Variants in ANAPC15 observed in about 807,000 individuals in gnomAD.
The protein encoded by ANAPC15 is anaphase-promoting complex subunit 15.
A neutral mutation model predicts 19.8 loss-of-function variants in ANAPC15; 13 were observed. That is an observed-to-expected ratio of 0.66 (90% confidence interval 0.43 to 1.04). The LOEUF is 1.04. ANAPC15 is among the 50% of genes least tolerant of loss of function. ANAPC15 has a pLI of 0.00. For missense variants in ANAPC15, 88 were observed against 150.3 expected (o/e 0.59, Z 2.17); for synonymous variants, 45 against 50.7 (o/e 0.89, Z 0.47).
chr11:72,110,004 C>T, intron 5 of ANAPC15, 76 bp from the exon 6 acceptor site: 1 of 1,613,802 alleles, frequency 6.2e-7, no homozygotes, highest in South Asian at 1.1e-5. Flanking sequence ...TGGCTGGATC[C>T]AGGGTTTCTG....
chr11:72,106,896 G>T (rs1370600315), downstream of ANAPC15: 1 of 147,006 alleles, frequency 6.8e-6, no homozygotes, highest in Non-Finnish European at 1.5e-5. Context: ...AGCTGTGATT[G>T]TGCCACTGCA....
downstream of ANAPC15, chr11:72,108,601 A>G: frequency 4.1e-6 from 6 of 1,448,696 alleles, no homozygotes; most frequent in Non-Finnish European, 5.5e-6. Flanking sequence ...CCCTATCCCC[A>G]CAGGTGGAGC....
downstream of ANAPC15, chr11:72,107,528 C>G (rs1476717430): frequency 4.3e-6 from 3 of 702,848 alleles, no homozygotes; most frequent in Non-Finnish European, 7.8e-6. Context: ...AGGAATGAGA[C>G]AGCTTGATGG....
chr11:72,109,994 TGGCTGGATCCA>T, intron 5 of ANAPC15, 66 bp from the exon 6 acceptor site: 1 of 1,613,228 alleles, frequency 6.2e-7, no homozygotes, highest in Non-Finnish European at 8.5e-7. Context: ...ATCCTGCCCC[TGGCTGGATCCA>T]GGGTTTCTGT....
At chr11:72,110,670 G>A (rs1946569222) in intron 3 of ANAPC15, 67 bp from the exon 4 acceptor site, 1 of 1,565,492 alleles carries the variant, frequency 6.4e-7, no homozygotes, top group Non-Finnish European at 8.8e-7. Context: ...CATGGGACTG[G>A]CCCATTCTGC....
At chr11:72,112,534 G>T (rs1363111275) in intron 1 of ANAPC15, 116 bp downstream of exon 1, 1 of 385,530 alleles carries the variant, frequency 2.6e-6, no homozygotes. Context: ...CTCTTTAAGG[G>T]TTAAGGACTC....
At chr11:72,110,802 C>CT (rs1309174770) in intron 3 of ANAPC15, 199 bp from the exon 4 acceptor site, 30 of 600,254 alleles carry the variant, frequency 5.0e-5, no homozygotes, top group Non-Finnish European at 5.5e-5. Context: ...TCTGAGCCTT[C>CT]TTTTTTTTGT....
intron 2 of ANAPC15, 29 bp from the exon 3 acceptor site, chr11:72,111,315 T>C (rs746767958): frequency 1.3e-6 from 2 of 1,537,014 alleles, no homozygotes; most frequent in Non-Finnish European, 1.8e-6. Flanking sequence ...TGAATGTGTT[T>C]TGCTTTGTTT....
chr11:72,109,346 G>C (rs1210049892), downstream of ANAPC15: 1 of 465,230 alleles, frequency 2.1e-6, no homozygotes, highest in East Asian at 6.8e-5. Flanking sequence ...GCCATTCTGG[G>C]TGGGATCAGA....
chr11:72,107,802 G>C, downstream of ANAPC15: 2 of 1,073,864 alleles, frequency 1.9e-6, no homozygotes, highest in Non-Finnish European at 2.7e-6. Flanking sequence ...TGGTACAAGA[G>C]ACAGATGAGA....
chr11:72,111,210 G>T lies in ANAPC15; in HGVS notation c.67C>A (p.Pro23Thr). The change falls in exon 3 of 6, where the codon CCC becomes ACC. Residue 23 changes from proline to threonine, a missense_variant. Coordinates refer to ENST00000227618, the MANE Select transcript of ANAPC15 (RefSeq NM_014042.3). ...TGCAGCTCTGTCTCTTCCACACAGG[G>T]TCGATCCAGATTAAACCACAGAGTC... is the stretch of plus-strand genomic sequence containing the variant. ...TETLWFNLDR[P>T]CVEETELQQQ... 1.2e-6 allele frequency: 2 copies of T among 1,614,046 alleles called. No individual in the cohort carries two copies. Among genetic ancestry groups the T allele is most frequent in the Non-Finnish European group, 1.7e-6 (2 of 1,179,886 alleles).
intron 1 of ANAPC15, chr11:72,112,209 T>G (rs576964157): frequency 6.5e-6 from 1 of 154,160 alleles, no homozygotes; most frequent in South Asian, 1.6e-4. Context: ...GGCACGACGG[T>G]AAACACCCTC....
downstream of ANAPC15, chr11:72,108,977 A>G (rs1413706562): frequency 3.1e-5 from 42 of 1,372,860 alleles, no homozygotes; most frequent in Non-Finnish European, 4.0e-5. Context: ...CCACCCAAGC[A>G]GGGACCTCAA....
At chr11:72,106,394 C>T, downstream of ANAPC15, 1 of 622,514 alleles carries the variant, frequency 1.6e-6, no homozygotes, top group Non-Finnish European at 2.5e-6. Flanking sequence ...ACATTTATTG[C>T]CACCTCTTTT....
chr11:72,111,768 G>A (rs1947024280), intron 1 of ANAPC15, among the ~76,000 whole-genome samples: 1 of 152,126 alleles, frequency 6.6e-6, no homozygotes, highest in Admixed American at 6.5e-5. Context: ...CCCACCCAGT[G>A]TCAGAAATTT....
At chr11:72,110,293 T>C in intron 4 of ANAPC15, 68 bp from the exon 5 acceptor site, 2 of 1,604,746 alleles carry the variant, frequency 1.2e-6, no homozygotes, top group Middle Eastern at 3.3e-4. Flanking sequence ...CTGACCCACT[T>C]GAGCCTCTCT....
chr11:72,107,584 T>G (rs1460802536), downstream of ANAPC15: 1 of 697,150 alleles, frequency 1.4e-6, no homozygotes, highest in Admixed American at 2.0e-5. Context: ...AGGCCACAGG[T>G]GGGAAGTACT....
Position 72,110,524 on chromosome 11 carries a change from C to A in ANAPC15, c.180+20G>T. 6.2e-7 allele frequency: 1 copy of A among 1,614,136 alleles called. No homozygotes were observed. The highest frequency in any genetic ancestry group is 8.5e-7 in the Non-Finnish European group (1 of 1,179,962). ...TCCACTGCGGCCCCCACACAGGCCCCACCTGCTAGAGCCACTCACCTCTGA... is the reference window on the plus strand; with the variant it reads ...TCCACTGCGGCCCCCACACAGGCCCAACCTGCTAGAGCCACTCACCTCTGA... On this transcript the variant is annotated intron_variant, in intron 4 of 5. Transcript: ENST00000227618.
chr11:72,110,803 T>C, intron 3 of ANAPC15, 200 bp from the exon 4 acceptor site: 1 of 595,212 alleles, frequency 1.7e-6, no homozygotes, highest in Non-Finnish European at 2.9e-6. Flanking sequence ...CTGAGCCTTC[T>C]TTTTTTTGTA....
Sources: allele counts gnomAD v4.1 joint callset (sites outside exome capture counted in the v4.1 genomes callset), GRCh38; gene constraint gnomAD v4.1.1; transcripts MANE v1.5; gene names NCBI Gene and HGNC (gene_info 2026-07-23, HGNC 2026-07-21).